KATNAL1: variants seen among roughly 807,000 people sequenced by gnomAD.
The protein encoded by KATNAL1 is katanin catalytic subunit A1 like 1.
KATNAL1 carries 32 observed loss-of-function variants against 55.2 expected under a neutral mutation model. The ratio of observed to expected loss-of-function variants is 0.58; its 90% confidence interval spans 0.44 to 0.78. The LOEUF (loss-of-function observed/expected upper bound fraction) is 0.78, where lower values mean the gene tolerates loss of function less well. KATNAL1 is among the 30% of genes least tolerant of loss of function. The pLI, the probability that KATNAL1 is intolerant of heterozygous loss-of-function variation, is 0.00. For synonymous variants in KATNAL1, 193 were observed against 193.6 expected (o/e 1.00, Z 0.02); for missense variants, 466 against 600.9 (o/e 0.78, Z 2.35).
chr13:30,268,371 AAAAT>A (rs749171443), intron 3 of KATNAL1, among the ~76,000 whole-genome samples: 19 of 152,362 alleles, frequency 1.2e-4, no homozygotes, highest in Non-Finnish European at 2.6e-4. Flanking sequence ...TATAGACTAC[AAAAT>A]AAATATGTTT....
chr13:30,287,803 A>G (rs940535404), intron 1 of KATNAL1, among the ~76,000 whole-genome samples: 4 of 152,242 alleles, frequency 2.6e-5, no homozygotes, highest in African/African-American at 7.2e-5. Context: ...ACACAAAACT[A>G]TAAAAGATAA....
intron 1 of KATNAL1, among the ~76,000 whole-genome samples, chr13:30,295,768 AG>A (rs1307253656): frequency 6.6e-6 from 1 of 152,254 alleles, no homozygotes; most frequent in African/African-American, 2.4e-5. Flanking sequence ...AAGCAGCAGC[AG>A]GGTTTGGAGA....
chr13:30,243,297 C>G (rs539999787), intron 4 of KATNAL1, among the ~76,000 whole-genome samples: 11 of 152,138 alleles, frequency 7.2e-5, no homozygotes, highest in Non-Finnish European at 1.6e-4. Flanking sequence ...GAAAATTAGG[C>G]TCAAAGTGAC....
intron 1 of KATNAL1, chr13:30,296,816 T>G (rs996315076): frequency 3.1e-5 from 12 of 393,422 alleles, no homozygotes; most frequent in African/African-American, 2.5e-4. Flanking sequence ...CTAGGTGCCC[T>G]GTGCTGACCC....
intron 3 of KATNAL1, among the ~76,000 whole-genome samples, chr13:30,270,442 C>T (rs530358794): frequency 2.6e-5 from 4 of 152,174 alleles, no homozygotes; most frequent in East Asian, 1.9e-4. Flanking sequence ...TCATTGAGAA[C>T]GGGCCATGAT....
At chr13:30,301,965 A>T (rs1162294852) in intron 1 of KATNAL1, among the ~76,000 whole-genome samples, 1 of 152,152 alleles carries the variant, frequency 6.6e-6, no homozygotes, top group Non-Finnish European at 1.5e-5. Flanking sequence ...TGGACCTCCC[A>T]GTCTCAACCA....
In KATNAL1 at chr13:30,305,422, G is replaced by A. The variant is rs558943251; in HGVS notation, c.-15+1909C>T. ...TCAACTATTTTAACACAAGTTAAAA[G>A]TCAAATCACACTGAAGGCCTCCCCT... On this transcript the variant is annotated intron_variant, in intron 1 of 10. Coordinates refer to ENST00000380615, the MANE Select transcript of KATNAL1 (RefSeq NM_032116.5). 2.0e-5 allele frequency among the ~76,000 whole-genome samples: 3 copies of A among 152,312 alleles called. No homozygotes were observed. The South Asian group carries it at 6.2e-4, about 32-fold the overall frequency.
At chr13:30,279,454 G>A (rs202115) in intron 3 of KATNAL1, among the ~76,000 whole-genome samples, 101,133 of 151,860 alleles carry the variant, frequency 0.67, 33,955 homozygotes, top group East Asian at 0.84. Context: ...TGAGTTGTTT[G>A]GAGATGGGGA....
chr13:30,234,034 T>C (rs895943424), intron 6 of KATNAL1, among the ~76,000 whole-genome samples: 8 of 152,202 alleles, frequency 5.3e-5, no homozygotes, highest in African/African-American at 1.9e-4. Flanking sequence ...CTCTTGTATA[T>C]TTCAAAATAA....
intron 9 of KATNAL1, among the ~76,000 whole-genome samples, chr13:30,222,257 A>G (rs1329631834): frequency 6.6e-6 from 1 of 152,084 alleles, no homozygotes; most frequent in Admixed American, 6.6e-5. Flanking sequence ...GGAAGAAGAA[A>G]TTCAGCAAAT....
intron 3 of KATNAL1, among the ~76,000 whole-genome samples, chr13:30,265,972 A>C (rs1452922472): frequency 2.9e-5 from 4 of 138,256 alleles, no homozygotes; most frequent in African/African-American, 1.1e-4. Context: ...AGTTTGTGCC[A>C]CTGCACTCCA....
intron 1 of KATNAL1, among the ~76,000 whole-genome samples, chr13:30,292,492 G>C (rs1420666675): frequency 1.3e-5 from 2 of 152,024 alleles, no homozygotes; most frequent in South Asian, 2.1e-4. Context: ...TAGAGAACCT[G>C]AATCTATTAA....
intron 3 of KATNAL1, among the ~76,000 whole-genome samples, chr13:30,260,972 A>G (rs536942584): frequency 0.021 from 3,236 of 151,870 alleles, 47 homozygotes; most frequent in Non-Finnish European, 0.033. Flanking sequence ...CCAGAGAGAA[A>G]GGTCGGGTTA....
chr13:30,274,144 C>T (rs1880580084), intron 3 of KATNAL1, among the ~76,000 whole-genome samples: 1 of 152,220 alleles, frequency 6.6e-6, no homozygotes, highest in South Asian at 2.1e-4. Flanking sequence ...CTTGCAGGAT[C>T]ACTAAATTAG....
In KATNAL1 at chr13:30,211,914, G is replaced by A. The variant is rs565794503; in HGVS notation, c.1148-1472C>T. ...AGAACGGGGTGCCCAGCAGCAGACC[G>A]AAGCATAATTACAGACACTGAATTT... On this transcript the variant is annotated intron_variant, in intron 9 of 10. Coordinates refer to ENST00000380615, the MANE Select transcript of KATNAL1 (RefSeq NM_032116.5). 5.3e-4 allele frequency among the ~76,000 whole-genome samples: 81 copies of A among 152,298 alleles called. 1 individual carries two copies. Among genetic ancestry groups the A allele is most frequent in the African/African-American group, 1.7e-3 (72 of 41,566 alleles).
intron 1 of KATNAL1, chr13:30,296,763 C>A (rs943296551): frequency 4.4e-5 from 21 of 479,434 alleles, no homozygotes; most frequent in Admixed American, 2.1e-4. Context: ...GAGCTTGTGC[C>A]CCTACCTAGG....
At chr13:30,268,628 C>A (rs908246281) in intron 3 of KATNAL1, among the ~76,000 whole-genome samples, 2 of 152,026 alleles carry the variant, frequency 1.3e-5, no homozygotes, top group Non-Finnish European at 2.9e-5. Context: ...AGACTAACTA[C>A]CAAACTAGTA....
chr13:30,219,828 C>T (rs1475472632), intron 9 of KATNAL1, among the ~76,000 whole-genome samples: 1 of 152,096 alleles, frequency 6.6e-6, no homozygotes, highest in Non-Finnish European at 1.5e-5. Context: ...TAGAAGGAAG[C>T]CTCTTAGCCG....
chr13:30,218,324 C>T (rs1874516074), intron 9 of KATNAL1, among the ~76,000 whole-genome samples: 1 of 151,690 alleles, frequency 6.6e-6, no homozygotes, highest in South Asian at 2.1e-4. Context: ...AAAAGCAAAA[C>T]AGAACTAAAT....
Sources: gnomAD v4.1 joint callset for allele counts (sites outside exome capture counted in the v4.1 genomes callset) on GRCh38, gnomAD v4.1.1 for gene constraint, MANE v1.5 for transcripts, NCBI Gene and HGNC (gene_info 2026-07-23, HGNC 2026-07-21) for gene names.